Variants in JPH3 observed in about 807,000 individuals in gnomAD.
JPH3 encodes junctophilin 3.
JPH3 carries 11 observed loss-of-function variants against 59.6 expected under a neutral mutation model. The observed-to-expected ratio is 0.18, with a 90% confidence interval of 0.12 to 0.31. The LOEUF is 0.31. Among genes scored for constraint, JPH3 ranks in the 10% least tolerant of loss-of-function variants. The probability of loss-of-function intolerance (pLI) is 1.00; values close to 1 mark genes in which losing one functional copy is unlikely to be tolerated. For synonymous variants in JPH3, 673 were observed against 483.6 expected (o/e 1.39, Z -5.14); for missense variants, 1,202 against 1,105.7 (o/e 1.09, Z -1.24).
chr16:87,644,125 G>C, intron 1 of JPH3, 133 bp from the exon 2 acceptor site: 1 of 961,972 alleles, frequency 1.0e-6, no homozygotes, highest in African/African-American at 1.6e-5. Context: ...GCAACACAGC[G>C]AGAACCTGTC....
At chr16:87,621,683 C>G (rs560982828) in intron 1 of JPH3, among the ~76,000 whole-genome samples, 3 of 152,326 alleles carry the variant, frequency 2.0e-5, no homozygotes, top group Non-Finnish European at 2.9e-5. Context: ...GTTTATTCCT[C>G]CCTGCAATGA....
intron 2 of JPH3, among the ~76,000 whole-genome samples, chr16:87,680,481 C>A (rs901892904): frequency 6.6e-6 from 1 of 152,230 alleles, no homozygotes; most frequent in Non-Finnish European, 1.5e-5. Flanking sequence ...CTTGTGGGAG[C>A]CTCGCATGCA....
chr16:87,695,343 G>A (rs1486453695), intron 4 of JPH3: 2 of 456,098 alleles, frequency 4.4e-6, no homozygotes, highest in East Asian at 7.0e-5. Context: ...AACAGGGAGG[G>A]GGAGGAGAGT....
At chr16:87,628,746 A>C (rs2544632) in intron 1 of JPH3, among the ~76,000 whole-genome samples, 151,007 of 152,192 alleles carry the variant, frequency 0.99, 74,932 homozygotes, top group Middle Eastern at 1. Flanking sequence ...GTGGCCTTGG[A>C]GGCGTCAGCC....
intron 2 of JPH3, among the ~76,000 whole-genome samples, chr16:87,655,919 A>G (rs1597266927): frequency 6.6e-6 from 1 of 152,310 alleles, no homozygotes; most frequent in East Asian, 1.9e-4. Context: ...TGCTGCTGTC[A>G]CTGCGCCGTT....
At chr16:87,653,832 C>G (rs1390026167) in intron 2 of JPH3, 1 of 152,220 alleles carries the variant, frequency 6.6e-6, no homozygotes, top group African/African-American at 2.4e-5. Context: ...CACAGAATGC[C>G]ACGTGGGACA....
At chr16:87,614,690 G>A (rs375492192) in intron 1 of JPH3, among the ~76,000 whole-genome samples, 184 of 142,526 alleles carry the variant, frequency 1.3e-3, no homozygotes, top group Non-Finnish European at 2.1e-3. Flanking sequence ...GGAGCCGCGC[G>A]TCCCCTCCCG....
chr16:87,662,281 C>T (rs2032729459), intron 2 of JPH3, among the ~76,000 whole-genome samples: 1 of 152,118 alleles, frequency 6.6e-6, no homozygotes, highest in Non-Finnish European at 1.5e-5. Context: ...GTGTGAGGAA[C>T]CCGGTGTACT....
intron 1 of JPH3, among the ~76,000 whole-genome samples, chr16:87,636,610 G>A (rs2150839213): frequency 6.6e-6 from 1 of 152,340 alleles, no homozygotes; most frequent in African/African-American, 2.4e-5. Context: ...AGGCTACGCA[G>A]GCAGTCACGG....
In JPH3 at chr16:87,644,259, G is replaced by A. The variant is rs372541001; in HGVS notation, c.384G>A (p.Gly128=). 2.2e-5 allele frequency: 35 copies of A among 1,603,416 alleles called. No individual in the cohort carries two copies. In the African/African-American group the frequency reaches 4.1e-4, roughly 19 times the overall value. The change falls in exon 2 of 5, where the codon GGG becomes GGA. Residue 128 remains glycine, a splice_region_variant and synonymous_variant. Coordinates refer to ENST00000284262, the MANE Select transcript of JPH3 (RefSeq NM_020655.4). Reference sequence around the variant, plus strand: ...ACCCCTCTCTCATTTTCTCCCCAGGGACCTACCAGGGCCAGTGGGTCGGTG... The same window carrying A: ...ACCCCTCTCTCATTTTCTCCCCAGGAACCTACCAGGGCCAGTGGGTCGGTG... ...GYGTETYSDG[G]TYQGQWVGGM...
chr16:87,616,541 T>C (rs1365366252), intron 1 of JPH3, among the ~76,000 whole-genome samples: 5 of 151,924 alleles, frequency 3.3e-5, no homozygotes, highest in Admixed American at 3.3e-4. Flanking sequence ...TGAGCCACTG[T>C]GCCCAGCCAG....
At chr16:87,677,129 A>G (rs1456778148) in intron 2 of JPH3, among the ~76,000 whole-genome samples, 2 of 150,622 alleles carry the variant, frequency 1.3e-5, no homozygotes, top group Non-Finnish European at 2.9e-5. Flanking sequence ...ACTGCAATCC[A>G]GCCTAGGCGA....
intron 4 of JPH3, chr16:87,694,531 T>G (rs2033725491): frequency 1.3e-5 from 2 of 152,236 alleles, no homozygotes; most frequent in African/African-American, 4.8e-5. Flanking sequence ...GTGACCCCAC[T>G]GGGGCTCTGA....
chr16:87,639,345 C>G, intron 1 of JPH3, among the ~76,000 whole-genome samples: 1 of 152,170 alleles, frequency 6.6e-6, no homozygotes, highest in East Asian at 1.9e-4. Flanking sequence ...TTCCTGACCC[C>G]AGAGCCTTCC....
In JPH3 at chr16:87,655,361, T is replaced by C. The variant is rs560598297; in HGVS notation, c.1160+10326T>C. On this transcript the variant is annotated intron_variant, in intron 2 of 4. Transcript: ENST00000284262. The stretch of plus-strand genomic sequence containing the variant: ...TTTTATTTTTTGTGACAGGGTGTTA[T>C]TTTTTGTGACAGGGTGTTGTTCTGC... Among the ~76,000 whole-genome samples, 1,008 of 151,762 alleles carry C rather than the reference T, an allele frequency of 6.6e-3. 8 individuals are homozygous for C. The highest frequency in any genetic ancestry group is 0.015 in the South Asian group (71 of 4,786).
In JPH3 at chr16:87,644,855, C is replaced by G; in HGVS notation, c.980C>G (p.Thr327Ser). ...SNRRHGYGCM[T>S]FPDGTKEEGK... The stretch of plus-strand genomic sequence containing the variant: ...CGGCGCCATGGCTACGGCTGCATGA[C>G]CTTCCCGGACGGCACCAAGGAGGAG... Residue 327 changes from threonine (T) to serine (S), a missense_variant, in exon 2 of 5, where the codon ACC becomes AGC. By Grantham distance (58) the Thr-to-Ser change is moderately conservative. Coordinates refer to ENST00000284262, the MANE Select transcript of JPH3 (RefSeq NM_020655.4). 6.2e-7 allele frequency: 1 copy of G among 1,613,410 alleles called. No homozygotes were observed. The highest frequency in any genetic ancestry group is 8.5e-7 in the Non-Finnish European group (1 of 1,179,902).
chr16:87,680,289 C>T (rs938267569), intron 2 of JPH3, among the ~76,000 whole-genome samples: 2 of 152,104 alleles, frequency 1.3e-5, no homozygotes, highest in African/African-American at 4.8e-5. Flanking sequence ...AGCTGAAGGT[C>T]CGAGTGTGGC....
At chr16:87,604,630 G>A (rs975617981) in intron 1 of JPH3, 1 of 1,193,446 alleles carries the variant, frequency 8.4e-7, no homozygotes, top group South Asian at 1.6e-5. Flanking sequence ...CTGAGCGTAC[G>A]TGTGCTCTAG....
intron 3 of JPH3, 45 bp from the exon 4 acceptor site, chr16:87,689,601 T>G (rs1490900982): frequency 1.9e-6 from 3 of 1,593,444 alleles, no homozygotes; most frequent in African/African-American, 1.3e-5. Flanking sequence ...CGCTGTGGAA[T>G]GTGCTGGGTA....
Sources: allele counts gnomAD v4.1 joint callset (sites outside exome capture counted in the v4.1 genomes callset), GRCh38; gene constraint gnomAD v4.1.1; transcripts MANE v1.5; gene names NCBI Gene and HGNC (gene_info 2026-07-23, HGNC 2026-07-21).